The following OPCML variants were observed in gnomAD, a reference collection of about 807,000 sequenced individuals.
OPCML encodes opioid binding protein/cell adhesion molecule like, also known as opioid-binding protein/cell adhesion molecule.
OPCML carries 13 observed loss-of-function variants against 37.8 expected under a neutral mutation model. That is an observed-to-expected ratio of 0.34 (90% CI 0.22 to 0.55). The LOEUF (loss-of-function observed/expected upper bound fraction) is 0.55. Among genes scored for constraint, OPCML ranks in the 20% least tolerant of loss-of-function variants. The probability of loss-of-function intolerance (pLI) is 0.91; values close to 1 mark genes in which losing one functional copy is unlikely to be tolerated. For synonymous variants in OPCML, 176 were observed against 168.8 expected, an observed-to-expected ratio of 1.04 and a Z score of -0.33; for missense variants, 341 against 435.6, an observed-to-expected ratio of 0.78 and a Z score of 1.93.
At chr11:133,232,856 A>G (rs561813291) in intron 1 of OPCML, among the ~76,000 whole-genome samples, 2 of 152,356 alleles carry the variant, frequency 1.3e-5, no homozygotes, top group South Asian at 4.1e-4. Context: ...ATGCATCATT[A>G]AAAGTACAGA....
At chr11:132,535,681 G>A (rs2096338778) in intron 3 of OPCML, among the ~76,000 whole-genome samples, 1 of 152,152 alleles carries the variant, frequency 6.6e-6, no homozygotes, top group African/African-American at 2.4e-5. Flanking sequence ...CAGTGAGAGG[G>A]GTTCAGGTCA....
chr11:132,533,849 G>A (rs890652198), intron 3 of OPCML, among the ~76,000 whole-genome samples: 2 of 152,098 alleles, frequency 1.3e-5, no homozygotes, highest in Admixed American at 6.5e-5. Context: ...TGCCTGAATT[G>A]CTCTTTCTCT....
chr11:132,946,242 T>C (rs1945742800), intron 1 of OPCML, among the ~76,000 whole-genome samples: 1 of 152,214 alleles, frequency 6.6e-6, no homozygotes, highest in South Asian at 2.1e-4. Context: ...TGTCATCTCC[T>C]ATGATGGCAA....
At chr11:133,373,424 AATATATAT>A (rs57417327) in intron 1 of OPCML, among the ~76,000 whole-genome samples, 18 of 117,756 alleles carry the variant, frequency 1.5e-4, no homozygotes, top group African/African-American at 3.0e-4. Context: ...ACTTAATTAA[AATATATAT>A]ATATATATAT....
chr11:133,073,204 C>A (rs911997462), intron 1 of OPCML, among the ~76,000 whole-genome samples: 2 of 152,196 alleles, frequency 1.3e-5, no homozygotes. Flanking sequence ...CTGGTTAACA[C>A]CTGAGCGCTC....
intron 3 of OPCML, among the ~76,000 whole-genome samples, chr11:132,587,248 G>A (rs1470662561): frequency 1.3e-5 from 2 of 152,232 alleles, no homozygotes; most frequent in African/African-American, 4.8e-5. Context: ...ATCTCCAACA[G>A]AGAACTATAC....
chr11:132,827,618 TTTG>T (rs1245156437), intron 2 of OPCML, among the ~76,000 whole-genome samples: 4 of 152,016 alleles, frequency 2.6e-5, no homozygotes, highest in Admixed American at 6.6e-5. Flanking sequence ...CCAATGTGCT[TTTG>T]TTGTTGTTGT....
intron 1 of OPCML, among the ~76,000 whole-genome samples, chr11:133,233,892 A>G (rs1024739947): frequency 6.6e-6 from 1 of 152,156 alleles, no homozygotes; most frequent in Non-Finnish European, 1.5e-5. Context: ...TCCATGGAGC[A>G]TCCCCCACCC....
intron 1 of OPCML, among the ~76,000 whole-genome samples, chr11:133,097,982 G>C (rs1032610124): frequency 2.0e-5 from 3 of 152,126 alleles, no homozygotes; most frequent in African/African-American, 7.2e-5. Flanking sequence ...TCTGATGATA[G>C]AAGTAGAGGA....
intron 2 of OPCML, among the ~76,000 whole-genome samples, chr11:132,847,611 T>C (rs542400706): frequency 3.3e-5 from 5 of 152,320 alleles, no homozygotes; most frequent in East Asian, 1.9e-4. Flanking sequence ...GAAGTCATAA[T>C]TGGATCTTCA....
chr11:132,766,647 C>T (rs1370310430), intron 2 of OPCML, among the ~76,000 whole-genome samples: 1 of 152,068 alleles, frequency 6.6e-6, no homozygotes, highest in Middle Eastern at 3.2e-3. Flanking sequence ...CCTCCTGACC[C>T]CTCACACTGA....
At chr11:133,493,249 C>G (rs763197678) in intron 1 of OPCML, among the ~76,000 whole-genome samples, 1 of 152,238 alleles carries the variant, frequency 6.6e-6, no homozygotes, top group Non-Finnish European at 1.5e-5. Flanking sequence ...AAGCCTGGAG[C>G]CTTGCACGCC....
chr11:133,279,818 A>C (rs968865614), intron 1 of OPCML, among the ~76,000 whole-genome samples: 2 of 152,202 alleles, frequency 1.3e-5, no homozygotes, highest in African/African-American at 4.8e-5. Flanking sequence ...AAGAATAAAA[A>C]AGGAATCCAA....
At chr11:133,433,808 C>T (rs1358298039) in intron 1 of OPCML, among the ~76,000 whole-genome samples, 5 of 152,136 alleles carry the variant, frequency 3.3e-5, no homozygotes, top group African/African-American at 1.2e-4. Flanking sequence ...CCAGGATAAA[C>T]TCTGTAATCT....
chr11:132,794,482 A>C (rs1938168850), intron 2 of OPCML, among the ~76,000 whole-genome samples: 1 of 152,182 alleles, frequency 6.6e-6, no homozygotes, highest in East Asian at 1.9e-4. Context: ...CTAGGTTCAG[A>C]TTTGGAATCC....
chr11:133,107,881 G>C (rs993840458), intron 1 of OPCML, among the ~76,000 whole-genome samples: 1 of 152,162 alleles, frequency 6.6e-6, no homozygotes, highest in Non-Finnish European at 1.5e-5. Context: ...ACGTACTCGA[G>C]ACAGAGGGAG....
chr11:132,524,415 T>C (rs1049866748), intron 4 of OPCML, among the ~76,000 whole-genome samples: 5 of 152,140 alleles, frequency 3.3e-5, no homozygotes, highest in Non-Finnish European at 4.4e-5. Flanking sequence ...GATTTCCATA[T>C]GTGTGAAGGC....
intron 1 of OPCML, among the ~76,000 whole-genome samples, chr11:133,189,415 C>T (rs1938215222): frequency 6.6e-6 from 1 of 152,124 alleles, no homozygotes; most frequent in African/African-American, 2.4e-5. Context: ...ACATTCTTTA[C>T]AAAATACATC....
chr11:133,474,420 A>G (rs1555164480), intron 1 of OPCML, among the ~76,000 whole-genome samples: 1 of 152,232 alleles, frequency 6.6e-6, no homozygotes. Flanking sequence ...AAAAGCTGTT[A>G]TCAATCACCA....
Sources: allele counts gnomAD v4.1 joint callset (sites outside exome capture counted in the v4.1 genomes callset), GRCh38; gene constraint gnomAD v4.1.1; transcripts MANE v1.5; gene names NCBI Gene and HGNC (gene_info 2026-07-23, HGNC 2026-07-21).